Variants in H2AZ1 observed in about 807,000 individuals in gnomAD.
The protein encoded by H2AZ1 is histone H2A.Z.
Under a neutral mutation model 16.6 loss-of-function variants are expected in H2AZ1, and 3 were observed. The ratio of observed to expected loss-of-function variants is 0.18; its 90% CI spans 0.08 to 0.47. H2AZ1 has a LOEUF of 0.47. Among genes scored for constraint, H2AZ1 ranks in the 20% least tolerant of loss-of-function variants. The probability of loss-of-function intolerance (pLI) is 0.98; values close to 1 mark genes in which losing one functional copy is unlikely to be tolerated. For synonymous variants in H2AZ1, 78 were observed against 60.7 expected (o/e 1.28, Z -1.32); for missense variants, 27 against 163.6 (o/e 0.17, Z 4.55).
chr4:99,948,231 A>G lies in H2AZ1; in HGVS notation c.*231T>C. Reference sequence around the variant, plus strand: ...ACAGTCAACTCAATCAAAACCCACTACTTCAGAATCAATAGCTTCTTTGAA... The same window carrying G: ...ACAGTCAACTCAATCAAAACCCACTGCTTCAGAATCAATAGCTTCTTTGAA... On this transcript the variant is annotated 3_prime_UTR_variant, in exon 5 of 5. Coordinates refer to ENST00000296417, the MANE Select transcript of H2AZ1 (RefSeq NM_002106.4). 2.9e-6 allele frequency: 2 copies of G among 691,148 alleles called. No individual in the cohort carries two copies. Among genetic ancestry groups the G allele is most frequent in the South Asian group, 3.0e-5 (2 of 65,876 alleles). The allele number at this position is 691,148 out of a possible 1,614,324, so 42.8% of individuals were successfully genotyped here.
In H2AZ1 at chr4:99,949,735, G is replaced by C. The variant is rs760644452; in HGVS notation, c.9C>G (p.Gly3=). The C allele has an allele frequency of 1.2e-6, 2 of 1,608,848 alleles. No individual in the cohort carries two copies. Among genetic ancestry groups the C allele is most frequent in the South Asian group, 1.1e-5 (1 of 90,976 alleles). Residue 3 remains glycine, a synonymous_variant, in exon 2 of 5, where the codon GGC becomes GGG. Transcript: ENST00000296417. ...TTCCGGAGTCCTTTCCAGCCTTACC[G>C]CCAGCCTGCGGCGCGCACACGCCCG... MA[G]GKAGKDSGKA... is the part of the protein sequence containing the mutation.
At position 99,948,270 on chromosome 4, in the gene H2AZ1, T is replaced by C; in HGVS notation, c.*192A>G. On this transcript the variant is annotated 3_prime_UTR_variant, in exon 5 of 5. Transcript: ENST00000296417. The stretch of plus-strand genomic sequence containing the variant: ...AGCTTCTTTGAAGCCACAGTAACAC[T>C]TAAATATGGTTAAGACTCGAATGCA... 1.4e-6 allele frequency: 1 copy of C among 716,670 alleles called. No homozygotes were observed. Among genetic ancestry groups the C allele is most frequent in the East Asian group, 2.6e-5 (1 of 38,562 alleles). 44.4% of individuals were successfully genotyped at this position (716,670 alleles called of 1,614,324 possible). A position where few individuals can be genotyped will look rare whatever the true frequency, so the allele number is the denominator to read the frequency against.
At chr4:99,949,900 G>T in intron 1 of H2AZ1, 160 bp from the exon 2 acceptor site, 1 of 212,052 alleles carries the variant, frequency 4.7e-6, no homozygotes, top group Non-Finnish European at 8.0e-6. Flanking sequence ...GACCCCGCCC[G>T]TTCGCCCCCC....
intron 2 of H2AZ1, 113 bp from the exon 3 acceptor site, chr4:99,949,499 G>C: frequency 1.0e-6 from 1 of 979,116 alleles, no homozygotes; most frequent in Non-Finnish European, 1.6e-6. Flanking sequence ...TCCCGACATC[G>C]AAACACGTGA....
chr4:99,948,641 G>T, intron 4 of H2AZ1, 118 bp from the exon 5 acceptor site: 1 of 1,497,514 alleles, frequency 6.7e-7, no homozygotes, highest in Non-Finnish European at 8.9e-7. Flanking sequence ...TGCAGCTCAA[G>T]TATGAAGTAA....
intron 1 of H2AZ1, 121 bp downstream of exon 1, chr4:99,950,047 T>G: frequency 1.0e-6 from 1 of 967,802 alleles, no homozygotes; most frequent in Non-Finnish European, 1.6e-6. Flanking sequence ...CCCCCACTCT[T>G]CTAAATCCTG....
upstream of H2AZ1, chr4:99,950,275 C>CCGTGTTTAGTATATTTTATGTCAA: frequency 9.7e-7 from 1 of 1,033,476 alleles, no homozygotes; most frequent in Non-Finnish European, 1.5e-6. Flanking sequence ...ATTCAAACTG[C>CCGTGTTTAGTATATTTTATGTCAA]GCTGTCTCCC....
At position 99,949,649 on chromosome 4, in the gene H2AZ1, G is replaced by T; in HGVS notation, c.81+14C>A. ...AAACATCATGACTCCCAGACTGCACGAACAACTACTGACCTGCAAGCCGGC... is the reference window on the plus strand; with the variant it reads ...AAACATCATGACTCCCAGACTGCACTAACAACTACTGACCTGCAAGCCGGC... On this transcript the variant is annotated intron_variant, in intron 2 of 4. Coordinates refer to ENST00000296417, the MANE Select transcript of H2AZ1 (RefSeq NM_002106.4). 6.2e-7 allele frequency: 1 copy of T among 1,610,344 alleles called. No homozygotes were observed. Among genetic ancestry groups the T allele is most frequent in the Non-Finnish European group, 8.5e-7 (1 of 1,176,546 alleles).
chr4:99,949,022 AG>A (rs762968422), intron 3 of H2AZ1, 82 bp from the exon 4 acceptor site: 12 of 865,280 alleles, frequency 1.4e-5, no homozygotes, highest in Non-Finnish European at 2.3e-5. Context: ...TCACAAACGC[AG>A]ATCTACCAAC....
rs1727202537 is a variant in H2AZ1, at chr4:99,948,824, T to C, written c.312A>G (p.Thr104=). 6.2e-7 allele frequency: 1 copy of C among 1,610,324 alleles called. No homozygotes were observed. Among genetic ancestry groups the C allele is most frequent in the Non-Finnish European group, 8.5e-7 (1 of 1,177,036 alleles). Residue 104 remains threonine (T), a synonymous_variant, in exon 4 of 5, where the codon ACA becomes ACG. Coordinates refer to ENST00000296417, the MANE Select transcript of H2AZ1 (RefSeq NM_002106.4). ...AAGTTAACATACCACCACCAGCAAT[T>C]GTAGCCTTGATGAGAGAATCCAATT... ...DEELDSLIKA[T]IAGGGVIPHI...
In H2AZ1 at chr4:99,948,950, A is replaced by C. The variant is rs1727203687; in HGVS notation, c.196-10T>G. On this transcript the variant is annotated splice_polypyrimidine_tract_variant and intron_variant, in intron 3 of 4. Coordinates refer to ENST00000296417, the MANE Select transcript of H2AZ1 (RefSeq NM_002106.4). ...CTGCCAGTTCAAGTACCTAAAAGGC[A>C]GAATCTGTCAGTTGCCTTCCAACTT... The C allele has an allele frequency of 1.4e-6, 2 of 1,480,242 alleles. No individual in the cohort carries two copies. The highest frequency in any genetic ancestry group is 1.9e-6 in the Non-Finnish European group (2 of 1,059,400). 91.7% of individuals were successfully genotyped at this position (1,480,242 alleles called of 1,614,324 possible).
chr4:99,948,388 C>G lies in H2AZ1; in HGVS notation c.*74G>C. 1.1e-6 allele frequency: 1 copy of G among 905,286 alleles called. No homozygotes were observed. Among genetic ancestry groups the G allele is most frequent in the South Asian group, 1.3e-5 (1 of 76,286 alleles). The allele number at this position is 905,286 out of a possible 1,614,324, so 56.1% of individuals were successfully genotyped here. A position where few individuals can be genotyped will look rare whatever the true frequency, so the allele number is the denominator to read the frequency against. ...ATTGTGTTTTTCACAGAGATACAGT[C>G]CACTGGAATCACCAACACTGGACAG... On this transcript the variant is annotated 3_prime_UTR_variant, in exon 5 of 5. Transcript: ENST00000296417.
chr4:99,949,514 TCCC>T, intron 2 of H2AZ1, 128 bp from the exon 3 acceptor site: 1 of 974,504 alleles, frequency 1.0e-6, no homozygotes, highest in Non-Finnish European at 1.7e-6. Context: ...ACGTGATTCC[TCCC>T]CCCCATATTT....
At chr4:99,948,778 A>C in intron 4 of H2AZ1, 33 bp downstream of exon 4, 1 of 1,575,762 alleles carries the variant, frequency 6.3e-7, no homozygotes, top group Non-Finnish European at 8.6e-7. Context: ...CTTCCTCTGA[A>C]GAAATTTTTT....
intron 4 of H2AZ1, 60 bp downstream of exon 4, chr4:99,948,751 A>G: frequency 1.3e-6 from 2 of 1,559,704 alleles, no homozygotes; most frequent in Non-Finnish European, 1.7e-6. Flanking sequence ...AAACTAATTA[A>G]AAGCAGCAAA....
chr4:99,948,172 G>C lies in H2AZ1; in HGVS notation c.*290C>G. On this transcript the variant is annotated 3_prime_UTR_variant, in exon 5 of 5. Transcript: ENST00000296417. ...CCAAATGTTTGTTACTATAACTTCT[G>C]CATCACAATTAAAATCCAAACAGTT... 1.8e-6 allele frequency: 1 copy of C among 564,864 alleles called. No homozygotes were observed. The highest frequency in any genetic ancestry group is 3.2e-6 in the Non-Finnish European group (1 of 308,764). 35.0% of individuals were successfully genotyped at this position (564,864 alleles called of 1,614,324 possible). A position where few individuals can be genotyped will look rare whatever the true frequency, so the allele number is the denominator to read the frequency against.
In H2AZ1 at chr4:99,949,753, C is replaced by A. The variant is rs200739517; in HGVS notation, c.4-13G>T. On this transcript the variant is annotated splice_polypyrimidine_tract_variant and intron_variant, in intron 1 of 4. Transcript: ENST00000296417. ...CCTTACCGCCAGCCTGCGGCGCGCA[C>A]ACGCCCGCGAGCGGAGGAGGAACGG... The A allele has an allele frequency of 1.4e-5, 23 of 1,602,092 alleles. No individual in the cohort carries two copies. Among genetic ancestry groups the A allele is most frequent in the Non-Finnish European group, 1.9e-5 (22 of 1,172,932 alleles).
At position 99,950,233 on chromosome 4, in the gene H2AZ1, G is replaced by C; in HGVS notation, c.-63C>G. 6.5e-7 allele frequency: 1 copy of C among 1,537,866 alleles called. No homozygotes were observed. Among genetic ancestry groups the C allele is most frequent in the Non-Finnish European group, 8.9e-7 (1 of 1,119,332 alleles). On this transcript the variant is annotated 5_prime_UTR_variant, in exon 1 of 5. It adds an upstream start codon to the 5' untranslated region. Coordinates refer to ENST00000296417, the MANE Select transcript of H2AZ1 (RefSeq NM_002106.4). ...AAAAGGCTAATCGGACCCACGGTGA[G>C]ATCCCACCACCTACTCCTTCGTCGC...
chr4:99,949,762 G>C (rs763616838), intron 1 of H2AZ1, 22 bp from the exon 2 acceptor site: 4 of 1,584,176 alleles, frequency 2.5e-6, no homozygotes, highest in Admixed American at 1.7e-5. Context: ...ACACGCCCGC[G>C]AGCGGAGGAG....
Sources: gnomAD v4.1 joint callset for allele counts on GRCh38, gnomAD v4.1.1 for gene constraint, MANE v1.5 for transcripts, NCBI Gene and HGNC (gene_info 2026-07-23, HGNC 2026-07-21) for gene names.